The following MYH7B variants were observed in gnomAD, a reference collection of about 807,000 sequenced individuals.
MYH7B encodes the protein myosin heavy chain 7B.
MYH7B carries 205 observed loss-of-function variants against 234.5 expected under a neutral mutation model. That is an observed-to-expected ratio of 0.87 (90% CI 0.78 to 0.98). MYH7B has a LOEUF of 0.98. MYH7B is among the 50% of genes least tolerant of loss of function. The pLI, the probability that MYH7B is intolerant of heterozygous loss-of-function variation, is 0.00. For synonymous variants in MYH7B, 1,193 were observed against 1,105.0 expected (o/e 1.08, Z -1.58); for missense variants, 2,652 against 2,633.4 (o/e 1.01, Z -0.15).
At chr20:34,979,486 A>G (rs779747727) in exon 6 of MYH7B, 2 of 1,612,694 alleles carry the variant, frequency 1.2e-6, no homozygotes, top group South Asian at 2.2e-5. Context: ...GTGGAGACCA[A>G]AGACCAGAAG....
chr20:34,961,013 C>T (rs781730536), intron 2 of MYH7B, among the ~76,000 whole-genome samples: 2 of 152,080 alleles, frequency 1.3e-5, no homozygotes, highest in African/African-American at 4.8e-5. Context: ...GTGCCCTGGT[C>T]GTGTTTGAGG....
In MYH7B at chr20:34,998,420, C is replaced by T. The variant is rs368075726; in HGVS notation, c.3873C>T (p.Ser1291=). ...AGCGTGGGCGACTACAGACGGAAAG[C>T]GGTGAGGCTGGGGCTCAGCTGGCCA... The change falls in exon 33 of 45, where the codon AGC becomes AGT. Residue 1291 remains serine, a splice_region_variant and synonymous_variant. Transcript: ENST00000262873. 1.4e-5 allele frequency: 23 copies of T among 1,613,078 alleles called. No homozygotes were observed. Among genetic ancestry groups the T allele is most frequent in the African/African-American group, 6.7e-5 (5 of 74,944 alleles).
rs1555891955 is a variant in MYH7B, at chr20:34,977,056, TC to T, written c.-121-570del. On this transcript the variant is annotated intron_variant, in intron 3 of 44. Transcript: ENST00000262873. ...AAGGATGTCCCTCTCCCCCTACCCC[TC>T]CCCCCTCTCTCTCTCCCTCTCACTC... Among the ~76,000 whole-genome samples the T allele has an allele frequency of 2.8e-3, 237 of 83,212 alleles. 2 individuals carry two copies. The highest frequency in any genetic ancestry group is 5.8e-3 in the African/African-American group (96 of 16,496). 54.6% of individuals were successfully genotyped at this position (83,212 alleles called of 152,430 possible). A position where few individuals can be genotyped will look rare whatever the true frequency, so the allele number is the denominator to read the frequency against.
intron 5 of MYH7B, among the ~76,000 whole-genome samples, chr20:34,979,082 T>C (rs2081900388): frequency 6.6e-6 from 1 of 152,088 alleles, no homozygotes; most frequent in Non-Finnish European, 1.5e-5. Context: ...ACATTTTGCA[T>C]GTGAGGGAAC....
At chr20:34,969,354 G>A (rs1426439028) in intron 2 of MYH7B, among the ~76,000 whole-genome samples, 2 of 152,042 alleles carry the variant, frequency 1.3e-5, no homozygotes, top group Admixed American at 6.6e-5. Context: ...AAAGTTCAAA[G>A]GGTTTACAAG....
At chr20:34,987,986 G>C (rs1350116522) in intron 18 of MYH7B, 72 bp downstream of exon 18, 4 of 1,559,622 alleles carry the variant, frequency 2.6e-6, no homozygotes, top group Non-Finnish European at 3.5e-6. Flanking sequence ...GGGGGCAGAA[G>C]CCCTGGCCTT....
At position 34,975,389 on chromosome 20, in the gene MYH7B, G is replaced by GTTTT; in HGVS notation, c.-221-8_-221-7insTTTT. On this transcript the variant is annotated splice_polypyrimidine_tract_variant and intron_variant, in intron 2 of 44. Transcript: ENST00000262873. ...CTGGCTAATTTTTGTTTGTTTGTTTGTTTGTTGTAGAGATGGGGTTTTGAT... is the reference window on the plus strand; with the variant it reads ...CTGGCTAATTTTTGTTTGTTTGTTTGTTTTTTTGTTGTAGAGATGGGGTTTTGAT... 1.7e-6 allele frequency: 1 copy of GTTTT among 590,660 alleles called. No homozygotes were observed. The highest frequency in any genetic ancestry group is 2.9e-5 in the East Asian group (1 of 34,772). The allele number at this position is 590,660 out of a possible 1,614,324, so 36.6% of individuals were successfully genotyped here.
chr20:34,982,572 C>G lies in MYH7B; in HGVS notation c.624+17C>G. 7 of 1,530,490 alleles carry G rather than the reference C, an allele frequency of 4.6e-6. No homozygotes were observed. Among genetic ancestry groups the G allele is most frequent in the Non-Finnish European group, 6.2e-6 (7 of 1,125,186 alleles). 94.8% of individuals were successfully genotyped at this position (1,530,490 alleles called of 1,614,324 possible). ...AAGAAGGCCGTAAGACTTGCCCACT[C>G]GGGCATGCTCCCCGTTGCTTCTCGC... On this transcript the variant is annotated intron_variant, in intron 10 of 44. Transcript: ENST00000262873.
In MYH7B at chr20:35,000,863, TGAG is replaced by T. The variant is rs746194825; in HGVS notation, c.5278_5280del (p.Glu1760del). ...AGGCTGCACAGGAGAGGCGGGAGGC[TGAG>T]GAGAAGGCCAAAAAGGCCATCACTG... is the stretch of plus-strand genomic sequence containing the variant. On this transcript the variant is annotated inframe_deletion, in exon 40 of 45. Coordinates refer to ENST00000262873, the Ensembl canonical transcript of MYH7B. 6.9e-5 allele frequency: 111 copies of T among 1,613,354 alleles called. No homozygotes were observed. Among genetic ancestry groups the T allele is most frequent in the East Asian group, 1.3e-4 (6 of 44,846 alleles).
chr20:34,960,815 G>A (rs1331788695), intron 2 of MYH7B, among the ~76,000 whole-genome samples: 1 of 152,196 alleles, frequency 6.6e-6, no homozygotes, highest in Non-Finnish European at 1.5e-5. Context: ...CAGGTGTTGA[G>A]GATTTACTGT....
chr20:34,996,366 G>C (rs1424246241), exon 29 of MYH7B: 2 of 1,600,644 alleles, frequency 1.2e-6, no homozygotes, highest in Non-Finnish European at 1.7e-6. Context: ...TGACGGAAGA[G>C]ATGGCTGCGC....
At chr20:34,997,577 G>C (rs1287794750) in exon 32 of MYH7B, 1 of 1,613,336 alleles carries the variant, frequency 6.2e-7, no homozygotes, top group African/African-American at 1.3e-5. Context: ...AGAAGGAGAA[G>C]AGTGAGCTGC....
In MYH7B at chr20:34,979,801, CTA is replaced by C. The variant is rs1272689192; in HGVS notation, c.341_342del (p.Thr115LeufsTer68). ...GCCAGCGCTATGCCCGCTGGATGATCTATGTGAGCCCCAGGCCCGGGCCATGG... is the reference window on the plus strand; with the variant it reads ...GCCAGCGCTATGCCCGCTGGATGATCTGTGAGCCCCAGGCCCGGGCCATGG... On this transcript the variant is annotated frameshift_variant and splice_region_variant, in exon 7 of 45. Transcript: ENST00000262873. LOFTEE classifies it high-confidence loss of function. 13 of 1,613,150 alleles carry C rather than the reference CTA, an allele frequency of 8.1e-6. No individual in the cohort carries two copies. Among genetic ancestry groups the C allele is most frequent in the Admixed American group, 1.7e-5 (1 of 59,996 alleles).
rs751942775 is a variant in MYH7B, at chr20:34,988,164, T to A, written c.1489T>A (p.Phe497Ile). 21 of 1,613,958 alleles carry A rather than the reference T, an allele frequency of 1.3e-5. No homozygotes were observed. The East Asian group carries it at 2.7e-4, about 21-fold the overall frequency. ...GCAGCAGTTCTTCAACCAGCACATG[T>A]TTGTGCTGGAGCAGGAGGAGTACAA... The change falls in exon 19 of 45, where the codon TTT becomes ATT. Residue 497 changes from phenylalanine (F) to isoleucine (I), a missense_variant. Coordinates refer to ENST00000262873, the Ensembl canonical transcript of MYH7B.
chr20:34,987,509 G>A, intron 16 of MYH7B, 48 bp from the exon 17 acceptor site: 2 of 1,512,512 alleles, frequency 1.3e-6, no homozygotes, highest in Non-Finnish European at 1.8e-6. Context: ...GAGCCCCTGA[G>A]TGCGCATGGT....
chr20:34,999,288 G>C, exon 36 of MYH7B: 1 of 1,591,532 alleles, frequency 6.3e-7, no homozygotes, highest in South Asian at 1.1e-5. Flanking sequence ...GCGGGAGCTG[G>C]AGGCGGCACA....
exon 38 of MYH7B, chr20:34,999,855 C>G (rs2082337118): frequency 6.2e-7 from 1 of 1,612,686 alleles, no homozygotes; most frequent in South Asian, 1.1e-5. Context: ...CAGGTCAAAG[C>G]AGAAGTGGAC....
In MYH7B at chr20:34,990,136, C is replaced by T. The variant is rs757799907; in HGVS notation, c.1890C>T (p.Gly630=). 2.5e-6 allele frequency: 4 copies of T among 1,614,050 alleles called. No homozygotes were observed. In the Admixed American group the frequency reaches 5.0e-5, roughly 20 times the overall value. The change falls in exon 21 of 45, where the codon GGC becomes GGT. Residue 630 remains glycine, a synonymous_variant. Coordinates refer to ENST00000262873, the Ensembl canonical transcript of MYH7B. ...CGACTCTCTATGAGAATTATGCGGGCTCCTGCTCCAGTGAGTATGGAGGGA... is the reference window on the plus strand; with the variant it reads ...CGACTCTCTATGAGAATTATGCGGGTTCCTGCTCCAGTGAGTATGGAGGGA...
intron 4 of MYH7B, 58 bp downstream of exon 4, chr20:34,977,738 G>GCC (rs2081878496): frequency 6.3e-6 from 2 of 317,154 alleles, no homozygotes; most frequent in African/African-American, 4.4e-5. Context: ...GGGCGGGTGG[G>GCC]TGAGGGTGCC....
Sources: gnomAD v4.1 joint callset for allele counts (sites outside exome capture counted in the v4.1 genomes callset) on GRCh38, gnomAD v4.1.1 for gene constraint, MANE v1.5 for transcripts, NCBI Gene and HGNC (gene_info 2026-07-23, HGNC 2026-07-21) for gene names.